The following PARP8 variants were observed in gnomAD, a reference collection of about 807,000 sequenced individuals.
PARP8 encodes protein mono-ADP-ribosyltransferase PARP8.
PARP8 carries 51 observed loss-of-function variants against 124.1 expected under a neutral mutation model. The ratio of observed to expected loss-of-function variants is 0.41; its 90% CI spans 0.33 to 0.52. The LOEUF (loss-of-function observed/expected upper bound fraction) is 0.52. Among genes scored for constraint, PARP8 ranks in the 20% least tolerant of loss-of-function variants. PARP8 has a pLI of 0.21. For missense variants in PARP8, 860 were observed against 1,018.9 expected, an observed-to-expected ratio of 0.84 and a Z score of 2.12; for synonymous variants, 391 against 361.5, an observed-to-expected ratio of 1.08 and a Z score of -0.93.
At chr5:50,837,402 G>A (rs1580517958) in intron 25 of PARP8, among the ~76,000 whole-genome samples, 1 of 152,082 alleles carries the variant, frequency 6.6e-6, no homozygotes, top group East Asian at 1.9e-4. Flanking sequence ...TTAGTAGTGA[G>A]CCACCCTAAT....
In PARP8 at chr5:50,846,284, GTAT is replaced by G. The variant is rs1748607402; in HGVS notation, c.*4218_*4220del. ...TTTCTTGATTTTTGTGCACAGGATA[GTAT>G]TGCAACCTGCTATTTAGCCTTTGGT... On this transcript the variant is annotated 3_prime_UTR_variant, in exon 26 of 26. Transcript: ENST00000281631. 2 of 151,662 alleles carry G rather than the reference GTAT, an allele frequency of 1.3e-5. No individual in the cohort carries two copies. Among genetic ancestry groups the G allele is most frequent in the African/African-American group, 2.4e-5 (1 of 41,368 alleles). The allele number at this position is 151,662 out of a possible 1,614,324, so 9.4% of individuals were successfully genotyped here. A position where few individuals can be genotyped will look rare whatever the true frequency, so the allele number is the denominator to read the frequency against.
chr5:50,833,221 A>T (rs1377277358), intron 23 of PARP8, among the ~76,000 whole-genome samples: 7 of 152,136 alleles, frequency 4.6e-5, no homozygotes, highest in Non-Finnish European at 1.5e-5. Flanking sequence ...AAATCAGGGA[A>T]ATGAGACATT....
At chr5:50,697,227 A>G (rs988978289) in intron 2 of PARP8, among the ~76,000 whole-genome samples, 4 of 152,170 alleles carry the variant, frequency 2.6e-5, no homozygotes, top group Non-Finnish European at 5.9e-5. Context: ...CAGCACTCCA[A>G]TCTGGCGACA....
chr5:50,778,250 G>T, intron 8 of PARP8, 121 bp downstream of exon 8: 1 of 755,084 alleles, frequency 1.3e-6, no homozygotes, highest in East Asian at 2.8e-5. Context: ...TGACTGTTAA[G>T]GTGCTTTGTG....
intron 2 of PARP8, among the ~76,000 whole-genome samples, chr5:50,692,972 C>T (rs577798925): frequency 2.1e-4 from 32 of 152,150 alleles, no homozygotes; most frequent in Non-Finnish European, 4.0e-4. Context: ...ATGATGAGCT[C>T]AGGAAAGGAG....
At chr5:50,698,591 A>G (rs1375127432) in intron 2 of PARP8, among the ~76,000 whole-genome samples, 3 of 152,126 alleles carry the variant, frequency 2.0e-5, no homozygotes, top group African/African-American at 7.2e-5. Context: ...TTTTCCCCCC[A>G]AAGCACAGTG....
At chr5:50,718,114 C>T (rs1407249774) in intron 2 of PARP8, among the ~76,000 whole-genome samples, 2 of 151,720 alleles carry the variant, frequency 1.3e-5, no homozygotes, top group Non-Finnish European at 2.9e-5. Context: ...TGTTTGGAAG[C>T]TAATGGAAAT....
chr5:50,707,645 G>GAA (rs202244856), intron 2 of PARP8, among the ~76,000 whole-genome samples: 1 of 151,798 alleles, frequency 6.6e-6, no homozygotes, highest in Admixed American at 6.6e-5. Flanking sequence ...GAGAGAGAGA[G>GAA]AGAGAGAGAG....
intron 2 of PARP8, among the ~76,000 whole-genome samples, chr5:50,694,361 T>C (rs1380086908): frequency 6.6e-6 from 1 of 152,210 alleles, no homozygotes; most frequent in Non-Finnish European, 1.5e-5. Context: ...TTAAATTGCA[T>C]TTATTTGATA....
intron 25 of PARP8, among the ~76,000 whole-genome samples, chr5:50,840,844 A>G (rs1381918331): frequency 2.0e-5 from 3 of 151,890 alleles, no homozygotes; most frequent in African/African-American, 7.2e-5. Flanking sequence ...TTCTTAGGGT[A>G]ATGTTTCACC....
chr5:50,690,424 C>G (rs1406255241), intron 2 of PARP8, among the ~76,000 whole-genome samples: 7 of 152,140 alleles, frequency 4.6e-5, no homozygotes, highest in Non-Finnish European at 2.9e-5. Context: ...TTTTAAAGTT[C>G]TATTTTGCTG....
intron 2 of PARP8, among the ~76,000 whole-genome samples, chr5:50,681,040 A>G (rs1028262529): frequency 1.1e-4 from 16 of 152,220 alleles, no homozygotes; most frequent in Non-Finnish European, 2.2e-4. Context: ...TTAAAAACTA[A>G]TTTATGTAGA....
At chr5:50,829,833 A>C (rs970584041) in intron 21 of PARP8, 59 bp from the exon 22 acceptor site, 1 of 1,474,924 alleles carries the variant, frequency 6.8e-7, no homozygotes, top group African/African-American at 1.4e-5. Context: ...TGCTTTGTCA[A>C]ATATTATCAT....
intron 2 of PARP8, among the ~76,000 whole-genome samples, chr5:50,684,088 A>T (rs542354057): frequency 7.2e-4 from 109 of 152,308 alleles, no homozygotes; most frequent in African/African-American, 2.4e-3. Flanking sequence ...GGATTTTATT[A>T]AATAATATTT....
rs751494427 is a variant in PARP8 at position 50,788,503 on chromosome 5, T to C, written c.671-20T>C. On this transcript the variant is annotated intron_variant, in intron 9 of 25. Transcript: ENST00000281631. ...TCAGTTTCAAGTCAATATGTGACTG[T>C]GATCCTTTTTCCTTTCCAGTGCCCA... 3.1e-6 allele frequency: 5 copies of C among 1,609,410 alleles called. No homozygotes were observed. Among genetic ancestry groups the C allele is most frequent in the Non-Finnish European group, 4.3e-6 (5 of 1,176,212 alleles).
chr5:50,811,077 A>G (rs1168452486), intron 14 of PARP8, among the ~76,000 whole-genome samples: 1 of 152,070 alleles, frequency 6.6e-6, no homozygotes, highest in Non-Finnish European at 1.5e-5. Flanking sequence ...CTATTGGAGT[A>G]GCAGAATATA....
At chr5:50,709,002 G>A (rs1754448352) in intron 2 of PARP8, among the ~76,000 whole-genome samples, 5 of 151,906 alleles carry the variant, frequency 3.3e-5, no homozygotes, top group African/African-American at 7.3e-5. Context: ...GTCCAGGCTG[G>A]TCTTGAACTC....
In PARP8 at chr5:50,677,740, A is replaced by C. The variant is rs1186980649; in HGVS notation, c.146+9615A>C. ...GTCTTACATGTACAGAATCCTTTCC[A>C]GCTGTAAGTCGTCAGCAAGTAAAAA... On this transcript the variant is annotated intron_variant, in intron 2 of 25. Transcript: ENST00000281631. Among the ~76,000 whole-genome samples, 9 of 152,290 alleles carry C rather than the reference A, an allele frequency of 5.9e-5. No homozygotes were observed. In the South Asian group the frequency reaches 1.9e-3, roughly 32 times the overall value.
intron 7 of PARP8, among the ~76,000 whole-genome samples, chr5:50,772,795 C>T (rs975625930): frequency 6.6e-6 from 1 of 152,170 alleles, no homozygotes; most frequent in Non-Finnish European, 1.5e-5. Flanking sequence ...CGACTGGGTT[C>T]AAGCGATTAT....
Sources: gnomAD v4.1 joint callset for allele counts (sites outside exome capture counted in the v4.1 genomes callset) on GRCh38, gnomAD v4.1.1 for gene constraint, MANE v1.5 for transcripts, NCBI Gene and HGNC (gene_info 2026-07-23, HGNC 2026-07-21) for gene names.